The following TG variants were observed in gnomAD, a reference collection of about 807,000 sequenced individuals.
TG encodes thyroid hormones.
A neutral mutation model predicts 324.7 loss-of-function variants in TG; 270 were observed. The observed-to-expected ratio is 0.83, with a 90% CI of 0.75 to 0.92. The LOEUF (loss-of-function observed/expected upper bound fraction) is 0.92, where lower values mean the gene tolerates loss of function less well. TG is among the 40% of genes least tolerant of loss of function. The pLI, the probability that TG is intolerant of heterozygous loss-of-function variation, is 0.00. For missense variants in TG, 3,591 were observed against 3,456.4 expected, an observed-to-expected ratio of 1.04 and a Z score of -0.98; for synonymous variants, 1,401 against 1,327.0, an observed-to-expected ratio of 1.06 and a Z score of -1.21.
intron 41 of TG, among the ~76,000 whole-genome samples, chr8:133,032,945 A>T (rs571824359): frequency 6.6e-6 from 1 of 152,322 alleles, no homozygotes; most frequent in Admixed American, 6.5e-5. Flanking sequence ...AGATTTAGTG[A>T]CCTACCAAAG....
Position 133,017,786 on chromosome 8 carries a change from C to G in TG, c.6571C>G (p.Leu2191Val), listed in dbSNP as rs759430007. The G allele has an allele frequency of 6.2e-7, 1 of 1,614,208 alleles. No homozygotes were observed. Among genetic ancestry groups the G allele is most frequent in the Non-Finnish European group, 8.5e-7 (1 of 1,180,036 alleles). Reference sequence around the variant, plus strand: ...CTTCCCTTTCCCAACAGGAATCTCTCTGCTCAGCTATGAGGCATCTGTACC... The same window carrying G: ...CTTCCCTTTCCCAACAGGAATCTCTGTGCTCAGCTATGAGGCATCTGTACC... ...THIYRKPGIS[L>V]LSYEASVPSV... Residue 2191 changes from leucine (L) to valine (V), a missense_variant, in exon 38 of 48, where the codon CTG (leucine) becomes GTG (valine). Leu to Val is a conservative substitution (Grantham distance 32, BLOSUM62 1). Transcript: ENST00000220616.
At chr8:133,067,031 G>A (rs928402244) in intron 41 of TG, among the ~76,000 whole-genome samples, 4 of 152,256 alleles carry the variant, frequency 2.6e-5, no homozygotes, top group South Asian at 2.1e-4. Context: ...ACCCAGTACC[G>A]GCACAATTGA....
intron 41 of TG, among the ~76,000 whole-genome samples, chr8:133,084,773 G>A (rs1334577871): frequency 6.6e-6 from 1 of 152,240 alleles, no homozygotes; most frequent in South Asian, 2.1e-4. Context: ...GCCTGGGAAG[G>A]CCTCCACACT....
At chr8:132,972,313 G>A (rs1829637301) in intron 33 of TG, 1 of 522,114 alleles carries the variant, frequency 1.9e-6, no homozygotes, top group East Asian at 3.5e-5. Flanking sequence ...TCCTCGTAAG[G>A]TTATGTGAGG....
chr8:132,940,235 A>G (rs1824250017), intron 25 of TG, among the ~76,000 whole-genome samples: 1 of 152,204 alleles, frequency 6.6e-6, no homozygotes, highest in Non-Finnish European at 1.5e-5. Flanking sequence ...TGAAGGGCAC[A>G]GGCCCTGGTG....
At chr8:133,001,325 G>T (rs1833474423) in intron 35 of TG, among the ~76,000 whole-genome samples, 1 of 152,158 alleles carries the variant, frequency 6.6e-6, no homozygotes, top group Non-Finnish European at 1.5e-5. Context: ...GAGCTCAACA[G>T]TAGGTATTTG....
At chr8:132,873,532 T>C (rs184168757) in intron 5 of TG, among the ~76,000 whole-genome samples, 1 of 152,288 alleles carries the variant, frequency 6.6e-6, no homozygotes, top group East Asian at 1.9e-4. Flanking sequence ...GGGAGCAAAG[T>C]GATCATCAAA....
At chr8:132,975,425 C>T (rs774515166) in intron 34 of TG, among the ~76,000 whole-genome samples, 4 of 152,138 alleles carry the variant, frequency 2.6e-5, no homozygotes, top group Non-Finnish European at 5.9e-5. Flanking sequence ...CAACTCATTC[C>T]ATCTGTTCTT....
intron 34 of TG, among the ~76,000 whole-genome samples, chr8:132,983,088 A>G (rs1230267397): frequency 6.6e-6 from 1 of 152,196 alleles, no homozygotes; most frequent in Non-Finnish European, 1.5e-5. Flanking sequence ...AGACGATAAC[A>G]TAGAGCAAAG....
intron 41 of TG, among the ~76,000 whole-genome samples, chr8:133,031,620 C>A (rs760908071): frequency 8.5e-5 from 13 of 152,156 alleles, no homozygotes; most frequent in African/African-American, 1.9e-4. Flanking sequence ...CTTGCCCAAC[C>A]TTTTAGGGAT....
intron 19 of TG, 50 bp from the exon 20 acceptor site, chr8:132,912,997 C>T (rs761369662): frequency 7.5e-5 from 117 of 1,570,426 alleles, no homozygotes; most frequent in Non-Finnish European, 9.8e-5. Context: ...CCTCCCTGGC[C>T]CTAGCAGAGT....
chr8:132,947,803 AGAATTAAGG>A (rs1234433439), intron 26 of TG, among the ~76,000 whole-genome samples: 3 of 152,262 alleles, frequency 2.0e-5, no homozygotes, highest in Non-Finnish European at 4.4e-5. Context: ...AATGTCTATA[AGAATTAAGG>A]GAATTAATAT....
At chr8:133,100,722 C>T (rs528359791) in intron 43 of TG, among the ~76,000 whole-genome samples, 3 of 152,322 alleles carry the variant, frequency 2.0e-5, no homozygotes, top group African/African-American at 7.2e-5. Context: ...CTACCATCAA[C>T]GGTATGCTGG....
intron 29 of TG, chr8:132,964,939 C>A (rs1207920628): frequency 7.1e-6 from 5 of 702,170 alleles, no homozygotes; most frequent in Non-Finnish European, 1.0e-5. Context: ...CCCAGGTATA[C>A]CTGAGAAAAG....
intron 43 of TG, among the ~76,000 whole-genome samples, chr8:133,109,701 T>C (rs560898850): frequency 1.8e-4 from 28 of 152,216 alleles, no homozygotes; most frequent in East Asian, 1.7e-3. Context: ...GAGAAGAGGG[T>C]GCACCAGGGA....
At chr8:133,025,540 G>A (rs1249681690) in intron 40 of TG, among the ~76,000 whole-genome samples, 1 of 152,166 alleles carries the variant, frequency 6.6e-6, no homozygotes, top group African/African-American at 2.4e-5. Flanking sequence ...TTGGGCACAT[G>A]TGTTACCCTT....
chr8:133,038,447 C>G (rs942166549), intron 41 of TG: 1 of 1,194,688 alleles, frequency 8.4e-7, no homozygotes, highest in Admixed American at 1.7e-5. Context: ...ATCAGGGAAC[C>G]TCGCTTTTCG....
At chr8:133,051,160 A>C (rs920528193) in intron 41 of TG, among the ~76,000 whole-genome samples, 35 of 152,130 alleles carry the variant, frequency 2.3e-4, no homozygotes, top group African/African-American at 7.7e-4. Context: ...TCATGTTCTC[A>C]TCTGAGAAAT....
At chr8:132,922,599 G>T (rs1821265462) in intron 21 of TG, among the ~76,000 whole-genome samples, 1 of 152,176 alleles carries the variant, frequency 6.6e-6, no homozygotes, top group Non-Finnish European at 1.5e-5. Flanking sequence ...GTCCATTTGG[G>T]CTGCTATAAG....
Sources: gnomAD v4.1 joint callset for allele counts (sites outside exome capture counted in the v4.1 genomes callset) on GRCh38, gnomAD v4.1.1 for gene constraint, MANE v1.5 for transcripts, NCBI Gene and HGNC (gene_info 2026-07-23, HGNC 2026-07-21) for gene names.